PTPRT: variants seen among roughly 807,000 people sequenced by gnomAD.
PTPRT encodes the protein receptor-type tyrosine-protein phosphatase T.
In PTPRT, 56 loss-of-function variants were observed where a neutral mutation model predicts 176.8. The ratio of observed to expected loss-of-function variants is 0.32; its 90% CI spans 0.26 to 0.40. The LOEUF (loss-of-function observed/expected upper bound fraction) is 0.40. Ranked by LOEUF, PTPRT falls within the 10% of genes least tolerant of loss-of-function variation. The pLI, the probability that PTPRT is intolerant of heterozygous loss-of-function variation, is 1.00. For missense variants in PTPRT, 1,540 were observed against 1,908.2 expected (o/e 0.81, Z 3.60); for synonymous variants, 783 against 739.0 (o/e 1.06, Z -0.96).
Position 42,894,277 on chromosome 20 carries a change from G to A in PTPRT, c.89-8345C>T, listed in dbSNP as rs180796130. 5.9e-5 allele frequency among the ~76,000 whole-genome samples: 9 copies of A among 152,264 alleles called. No individual in the cohort carries two copies. The East Asian group carries it at 1.7e-3, about 29-fold the overall frequency. On this transcript the variant is annotated intron_variant, in intron 1 of 30. Transcript: ENST00000373187. Reference sequence around the variant, plus strand: ...ACTGCTAAGGAGTAAACTGTGAGCTGAGCTTGATAACGGTTTGCAAGGACC... The same window carrying A: ...ACTGCTAAGGAGTAAACTGTGAGCTAAGCTTGATAACGGTTTGCAAGGACC...
chr20:42,145,720 C>T (rs982122051), intron 17 of PTPRT, among the ~76,000 whole-genome samples: 6 of 152,172 alleles, frequency 3.9e-5, no homozygotes, highest in African/African-American at 1.4e-4. Context: ...TCCTGGGCTT[C>T]TCAGGCTGAG....
At position 42,106,779 on chromosome 20, in the gene PTPRT, G is replaced by A. The variant is rs949436246; in HGVS notation, c.3390+7C>T. The A allele has an allele frequency of 6.2e-7, 1 of 1,613,166 alleles. No individual in the cohort carries two copies. The stretch of plus-strand genomic sequence containing the variant: ...GTGGCCAACTGTCTTGGCCCCCTAG[G>A]ACTCACCTCTGTCTGTACCAGGTTG... On this transcript the variant is annotated splice_region_variant and intron_variant, in intron 24 of 30. Coordinates refer to ENST00000373187, the MANE Select transcript of PTPRT (RefSeq NM_007050.6).
At chr20:42,362,772 C>T (rs1384866344) in intron 9 of PTPRT, among the ~76,000 whole-genome samples, 1 of 152,104 alleles carries the variant, frequency 6.6e-6, no homozygotes, top group South Asian at 2.1e-4. Context: ...AAACTCCATA[C>T]TAATCTTGCA....
At chr20:42,638,047 A>G (rs190778984) in intron 7 of PTPRT, among the ~76,000 whole-genome samples, 47 of 152,292 alleles carry the variant, frequency 3.1e-4, no homozygotes, top group Non-Finnish European at 4.9e-4. Flanking sequence ...TTACACTGAT[A>G]GGGAGAAATC....
At chr20:42,726,835 T>C (rs1288867873) in intron 6 of PTPRT, among the ~76,000 whole-genome samples, 2 of 152,154 alleles carry the variant, frequency 1.3e-5, no homozygotes, top group South Asian at 2.1e-4. Context: ...TGGAGACTGA[T>C]GAGCTGTTAC....
the PTPRT span, among the ~76,000 whole-genome samples, chr20:42,067,639 C>T: frequency 3.4e-3 from 513 of 152,264 alleles, 2 homozygotes; most frequent in African/African-American, 0.012. Flanking sequence ...ACTCCTGTTC[C>T]CAAACCTGAG....
chr20:43,155,482 T>A (rs2014489719), intron 1 of PTPRT, among the ~76,000 whole-genome samples: 1 of 152,094 alleles, frequency 6.6e-6, no homozygotes. Context: ...AAAAAGTTGA[T>A]CTCATAGAAG....
chr20:42,658,714 G>A (rs1235842773), intron 7 of PTPRT, among the ~76,000 whole-genome samples: 1 of 152,130 alleles, frequency 6.6e-6, no homozygotes, highest in Non-Finnish European at 1.5e-5. Flanking sequence ...AATGAAAACT[G>A]TATTTCTGTA....
intron 12 of PTPRT, among the ~76,000 whole-genome samples, chr20:42,309,675 G>T (rs1483522733): frequency 6.6e-6 from 1 of 152,128 alleles, no homozygotes; most frequent in African/African-American, 2.4e-5. Flanking sequence ...ATTTATAAGT[G>T]AGGAAACAGA....
At chr20:43,029,633 A>T (rs898847644) in intron 1 of PTPRT, among the ~76,000 whole-genome samples, 1 of 152,196 alleles carries the variant, frequency 6.6e-6, no homozygotes, top group African/African-American at 2.4e-5. Context: ...CCTGCCATTG[A>T]TATTAGTCTT....
intron 1 of PTPRT, among the ~76,000 whole-genome samples, chr20:42,964,717 G>A (rs1982197830): frequency 6.6e-6 from 1 of 151,958 alleles, no homozygotes; most frequent in Non-Finnish European, 1.5e-5. Context: ...TATTTTTTCG[G>A]TGATGATTAA....
At chr20:43,170,889 C>T (rs373951459) in intron 1 of PTPRT, among the ~76,000 whole-genome samples, 5 of 152,206 alleles carry the variant, frequency 3.3e-5, no homozygotes, top group East Asian at 1.9e-4. Flanking sequence ...AGTCAATCTT[C>T]ACAATTCAGA....
At chr20:42,629,921 G>A (rs1214723623) in intron 7 of PTPRT, among the ~76,000 whole-genome samples, 1 of 152,200 alleles carries the variant, frequency 6.6e-6, no homozygotes, top group African/African-American at 2.4e-5. Flanking sequence ...CTGCTACAGA[G>A]TCTCAGCTGT....
intron 1 of PTPRT, among the ~76,000 whole-genome samples, chr20:42,891,505 T>C (rs1568663953): frequency 6.6e-6 from 1 of 152,214 alleles, no homozygotes; most frequent in African/African-American, 2.4e-5. Flanking sequence ...GGTTTGGTAG[T>C]GTATAGCATA....
intron 2 of PTPRT, among the ~76,000 whole-genome samples, chr20:42,849,127 T>C (rs2078428021): frequency 6.6e-6 from 1 of 152,182 alleles, no homozygotes; most frequent in Non-Finnish European, 1.5e-5. Context: ...CTGTAAGTAT[T>C]TGGGCTTATT....
chr20:42,394,239 C>T (rs945196240), intron 9 of PTPRT, among the ~76,000 whole-genome samples: 2 of 152,028 alleles, frequency 1.3e-5, no homozygotes, highest in Admixed American at 6.6e-5. Flanking sequence ...CAAAGGAGAT[C>T]CCCCTTTATC....
At chr20:42,898,422 G>A (rs1338849930) in intron 1 of PTPRT, among the ~76,000 whole-genome samples, 1 of 152,092 alleles carries the variant, frequency 6.6e-6, no homozygotes, top group African/African-American at 2.4e-5. Flanking sequence ...TGCTCAGGCT[G>A]GTCTCAAACT....
At chr20:42,679,214 C>G (rs1394462049) in intron 6 of PTPRT, among the ~76,000 whole-genome samples, 1 of 152,064 alleles carries the variant, frequency 6.6e-6, no homozygotes, top group Non-Finnish European at 1.5e-5. Context: ...TAACACTTAC[C>G]TTGTACTTCT....
chr20:43,063,403 G>A (rs1458253978), intron 1 of PTPRT: 2 of 152,608 alleles, frequency 1.3e-5, no homozygotes, highest in African/African-American at 4.8e-5. Context: ...TGGCTGGCTA[G>A]GTGGGTGTCC....
Sources: allele counts gnomAD v4.1 joint callset (sites outside exome capture counted in the v4.1 genomes callset), GRCh38; gene constraint gnomAD v4.1.1; transcripts MANE v1.5; gene names NCBI Gene and HGNC (gene_info 2026-07-23, HGNC 2026-07-21).